The following ESRRG variants were observed in gnomAD, a reference collection of about 807,000 sequenced individuals.
The protein encoded by ESRRG is estrogen related receptor gamma.
In ESRRG, 13 loss-of-function variants were observed where a neutral mutation model predicts 44.0. The ratio of observed to expected loss-of-function variants is 0.30; its 90% CI spans 0.19 to 0.47. ESRRG has a LOEUF of 0.47. Ranked by LOEUF, ESRRG falls within the 20% of genes least tolerant of loss-of-function variation. The pLI is 1.00. For synonymous variants in ESRRG, 215 were observed against 214.6 expected, an observed-to-expected ratio of 1.00 and a Z score of -0.02; for missense variants, 395 against 580.6, an observed-to-expected ratio of 0.68 and a Z score of 3.29.
chr1:216,754,685 A>G (rs2092329989), intron 2 of ESRRG, among the ~76,000 whole-genome samples: 1 of 147,440 alleles, frequency 6.8e-6, no homozygotes, highest in South Asian at 2.1e-4. Context: ...CAGTACAACC[A>G]GGCAAAAGAG....
chr1:216,796,354 G>A (rs956420706), intron 2 of ESRRG, among the ~76,000 whole-genome samples: 4 of 152,126 alleles, frequency 2.6e-5, no homozygotes, highest in Non-Finnish European at 5.9e-5. Flanking sequence ...GAAAAAGAAT[G>A]TTCTAGAGAA....
chr1:216,562,626 T>G (rs2058985722), intron 5 of ESRRG, among the ~76,000 whole-genome samples: 1 of 152,006 alleles, frequency 6.6e-6, no homozygotes, highest in Admixed American at 6.6e-5. Flanking sequence ...CCTCCTACAA[T>G]GAACAAGGGC....
intron 1 of ESRRG, among the ~76,000 whole-genome samples, chr1:217,085,788 C>T (rs1226373982): frequency 6.6e-6 from 1 of 152,036 alleles, no homozygotes; most frequent in Non-Finnish European, 1.5e-5. Context: ...CCACTGTGCC[C>T]AGCCGAGAAA....
intron 2 of ESRRG, among the ~76,000 whole-genome samples, chr1:216,858,055 C>T (rs556723639): frequency 2.6e-5 from 4 of 152,174 alleles, no homozygotes; most frequent in African/African-American, 7.2e-5. Context: ...AGAAAAATAG[C>T]TCCTTTTTCA....
At chr1:216,629,957 A>G (rs533290298) in intron 3 of ESRRG, among the ~76,000 whole-genome samples, 2 of 152,254 alleles carry the variant, frequency 1.3e-5, no homozygotes, top group Admixed American at 6.5e-5. Context: ...ATTTTAAAAG[A>G]AAAAGGGCCA....
At chr1:216,867,260 T>A (rs969168494) in intron 2 of ESRRG, among the ~76,000 whole-genome samples, 1 of 152,188 alleles carries the variant, frequency 6.6e-6, no homozygotes, top group African/African-American at 2.4e-5. Context: ...GGAGATATAA[T>A]TTAATTCAAA....
At chr1:216,699,035 C>T (rs564139638) in intron 1 of ESRRG, among the ~76,000 whole-genome samples, 1 of 152,278 alleles carries the variant, frequency 6.6e-6, no homozygotes, top group South Asian at 2.1e-4. Flanking sequence ...CTGAGGGCTG[C>T]GTGCTGAGGC....
At chr1:216,671,130 T>C (rs1038599755) in intron 2 of ESRRG, among the ~76,000 whole-genome samples, 51 of 152,186 alleles carry the variant, frequency 3.4e-4, no homozygotes, top group African/African-American at 1.1e-3. Flanking sequence ...AGGGAAGATA[T>C]GCTACTACTT....
chr1:216,841,264 C>A (rs1194723154), intron 2 of ESRRG, among the ~76,000 whole-genome samples: 1 of 151,990 alleles, frequency 6.6e-6, no homozygotes. Context: ...AACACGCACA[C>A]TCAGGGTAGA....
chr1:216,548,467 G>A (rs574485657), intron 5 of ESRRG, among the ~76,000 whole-genome samples: 47 of 152,126 alleles, frequency 3.1e-4, no homozygotes, highest in African/African-American at 1.0e-3. Context: ...TAACAGATGA[G>A]GCAGAGGTCT....
intron 3 of ESRRG, among the ~76,000 whole-genome samples, chr1:216,615,466 G>T (rs2061295190): frequency 6.6e-6 from 1 of 152,110 alleles, no homozygotes; most frequent in Non-Finnish European, 1.5e-5. Flanking sequence ...TTTCCTGCAT[G>T]ACGTACAATC....
At chr1:216,799,349 A>G (rs2094555128) in intron 2 of ESRRG, among the ~76,000 whole-genome samples, 1 of 151,994 alleles carries the variant, frequency 6.6e-6, no homozygotes, top group Non-Finnish European at 1.5e-5. Context: ...CCATATTCTA[A>G]AAGTATTTCC....
chr1:216,854,570 T>C (rs2095895430), intron 2 of ESRRG, among the ~76,000 whole-genome samples: 1 of 152,044 alleles, frequency 6.6e-6, no homozygotes, highest in Non-Finnish European at 1.5e-5. Flanking sequence ...AGCCAGTTAA[T>C]TAACTGCCCA....
chr1:216,845,934 T>C (rs2095738932), intron 2 of ESRRG, among the ~76,000 whole-genome samples: 1 of 152,088 alleles, frequency 6.6e-6, no homozygotes, highest in Admixed American at 6.6e-5. Flanking sequence ...AAAGCTGCGT[T>C]TCTATTGCAC....
chr1:216,743,605 A>C (rs1246536464), intron 2 of ESRRG, among the ~76,000 whole-genome samples: 1 of 152,180 alleles, frequency 6.6e-6, no homozygotes, highest in Non-Finnish European at 1.5e-5. Context: ...TTTTTCTAGC[A>C]AGCTGTTAGC....
At chr1:216,793,715 T>C (rs962913869) in intron 2 of ESRRG, among the ~76,000 whole-genome samples, 4 of 152,256 alleles carry the variant, frequency 2.6e-5, no homozygotes, top group African/African-American at 7.2e-5. Context: ...TCAATTAATT[T>C]GTTATGTGTC....
At chr1:217,129,340 G>C (rs1353812495) in intron 1 of ESRRG, among the ~76,000 whole-genome samples, 1 of 152,166 alleles carries the variant, frequency 6.6e-6, no homozygotes, top group Admixed American at 6.5e-5. Context: ...GAAAATAAAT[G>C]TTGATGAGGA....
At chr1:216,612,532 A>AC (rs967209336) in intron 3 of ESRRG, among the ~76,000 whole-genome samples, 5 of 151,774 alleles carry the variant, frequency 3.3e-5, no homozygotes, top group Non-Finnish European at 7.4e-5. Flanking sequence ...CTTCCTCTCC[A>AC]CCCCCCTCCT....
At chr1:216,690,702 G>A (rs538865606) in intron 1 of ESRRG, among the ~76,000 whole-genome samples, 3 of 152,040 alleles carry the variant, frequency 2.0e-5, no homozygotes, top group East Asian at 1.9e-4. Context: ...GTACCAGATC[G>A]TAAATAACCA....
Sources: allele counts gnomAD v4.1 joint callset (sites outside exome capture counted in the v4.1 genomes callset), GRCh38; gene constraint gnomAD v4.1.1; transcripts MANE v1.5; gene names NCBI Gene and HGNC (gene_info 2026-07-23, HGNC 2026-07-21).